Variants in STAU2 observed in about 807,000 individuals in gnomAD.
STAU2 encodes double-stranded RNA-binding protein Staufen homolog 2.
STAU2 carries 20 observed loss-of-function variants against 65.9 expected under a neutral mutation model. The observed-to-expected ratio is 0.30, with a 90% CI of 0.21 to 0.44. STAU2 has a LOEUF of 0.44. STAU2 is among the 20% of genes least tolerant of loss of function. STAU2 has a pLI of 1.00. For missense variants in STAU2, 558 were observed against 683.9 expected, an observed-to-expected ratio of 0.82 and a Z score of 2.05; for synonymous variants, 232 against 233.9, an observed-to-expected ratio of 0.99 and a Z score of 0.07.
intron 12 of STAU2, among the ~76,000 whole-genome samples, chr8:73,567,552 CTCTT>C (rs1338052010): frequency 8.6e-5 from 13 of 151,012 alleles, no homozygotes; most frequent in African/African-American, 2.7e-4. Flanking sequence ...TTGTCTCTCT[CTCTT>C]TTTTTTTTTT....
chr8:73,443,853 A>G (rs931446507), intron 13 of STAU2, among the ~76,000 whole-genome samples: 3 of 149,578 alleles, frequency 2.0e-5, no homozygotes, highest in African/African-American at 7.6e-5. Context: ...GTCTCTTAAA[A>G]AAAAAAAAAA....
intron 5 of STAU2, among the ~76,000 whole-genome samples, chr8:73,680,508 A>G (rs1440111205): frequency 2.6e-5 from 4 of 152,136 alleles, no homozygotes. Context: ...GTATATCCAA[A>G]TGAGAAGAAA....
At chr8:73,730,338 A>ATCTTT (rs1805956051) in intron 3 of STAU2, among the ~76,000 whole-genome samples, 1 of 152,174 alleles carries the variant, frequency 6.6e-6, no homozygotes, top group Non-Finnish European at 1.5e-5. Context: ...GTGACTGGAG[A>ATCTTT]AGATACATAG....
chr8:73,651,533 G>A, intron 6 of STAU2: 2 of 838,744 alleles, frequency 2.4e-6, no homozygotes, highest in East Asian at 2.8e-5. Context: ...ACCGTCTTCT[G>A]GCCTTGCCAA....
At chr8:73,448,966 G>T (rs1290248600) in intron 13 of STAU2, among the ~76,000 whole-genome samples, 2 of 152,262 alleles carry the variant, frequency 1.3e-5, no homozygotes, top group Non-Finnish European at 2.9e-5. Flanking sequence ...GCCCGGCTGG[G>T]GCTGGGAAGA....
In STAU2 at chr8:73,584,483, T is replaced by C. The variant is rs114115511; in HGVS notation, c.1162-1653A>G. Among the ~76,000 whole-genome samples the C allele has an allele frequency of 5.7e-3, 873 of 152,338 alleles. 5 individuals are homozygous for C. Among genetic ancestry groups the C allele is most frequent in the African/African-American group, 0.02 (833 of 41,568 alleles). On this transcript the variant is annotated intron_variant, in intron 11 of 14. Transcript: ENST00000524300. Reference sequence around the variant, plus strand: ...CACAAAAATTTGGTAAGATAAGTGATATTAACATTCAATTTTACAGACAAG... The same window carrying C: ...CACAAAAATTTGGTAAGATAAGTGACATTAACATTCAATTTTACAGACAAG...
intron 4 of STAU2, among the ~76,000 whole-genome samples, chr8:73,694,044 A>G (rs1009028164): frequency 1.5e-4 from 23 of 152,252 alleles, no homozygotes; most frequent in African/African-American, 4.6e-4. Flanking sequence ...GAGAAATTAG[A>G]ATGGCTATAT....
chr8:73,691,445 T>C (rs190694852), intron 4 of STAU2, among the ~76,000 whole-genome samples: 1 of 152,272 alleles, frequency 6.6e-6, no homozygotes, highest in East Asian at 1.9e-4. Flanking sequence ...TAATCTTTCC[T>C]GCCTCCTAAT....
At chr8:73,641,369 G>T (rs1470142669) in intron 6 of STAU2, among the ~76,000 whole-genome samples, 2 of 148,972 alleles carry the variant, frequency 1.3e-5, no homozygotes, top group African/African-American at 4.9e-5. Context: ...TCCTACCCTT[G>T]CAAAAAAAAA....
chr8:73,447,489 C>G (rs934486728), intron 13 of STAU2, among the ~76,000 whole-genome samples: 57 of 152,304 alleles, frequency 3.7e-4, no homozygotes, highest in African/African-American at 1.4e-3. Context: ...GTGTCCAGTT[C>G]TTACCAAAAA....
At chr8:73,541,766 G>T (rs948998034) in intron 13 of STAU2, among the ~76,000 whole-genome samples, 10 of 152,078 alleles carry the variant, frequency 6.6e-5, no homozygotes, top group African/African-American at 2.2e-4. Context: ...CAACCAAATG[G>T]AAATGTCAGA....
At chr8:73,439,885 G>T (rs558321095) in intron 13 of STAU2, 10 of 152,374 alleles carry the variant, frequency 6.6e-5, no homozygotes, top group African/African-American at 2.4e-4. Flanking sequence ...AGGCAGCCTG[G>T]TTCTGGAGCT....
At chr8:73,652,846 A>T (rs1443264613) in intron 6 of STAU2, 1 of 152,094 alleles carries the variant, frequency 6.6e-6, no homozygotes, top group Non-Finnish European at 1.5e-5. Context: ...TCACCAAACC[A>T]TTATTCAACT....
intron 13 of STAU2, among the ~76,000 whole-genome samples, chr8:73,443,536 T>A (rs1045569487): frequency 6.6e-6 from 1 of 152,218 alleles, no homozygotes; most frequent in African/African-American, 2.4e-5. Context: ...AGGCACCTTC[T>A]CAATGAAGCC....
rs142219165 is a variant in STAU2 at position 73,431,156 on chromosome 8, A to G, written c.1531-8454T>C. On this transcript the variant is annotated intron_variant, in intron 13 of 14. Coordinates refer to ENST00000524300, the MANE Select transcript of STAU2 (RefSeq NM_001164380.2). The stretch of plus-strand genomic sequence containing the variant: ...CACGCCGCAGATTAGAGAATTTCAA[A>G]GATACACTAACATAAGCATCCAGAA... 2.6e-4 allele frequency among the ~76,000 whole-genome samples: 40 copies of G among 152,372 alleles called. 1 individual carries two copies. Among genetic ancestry groups the G allele is most frequent in the Non-Finnish European group, 4.4e-4 (30 of 68,040 alleles).
intron 9 of STAU2, among the ~76,000 whole-genome samples, chr8:73,611,702 G>T (rs1187991637): frequency 6.6e-6 from 1 of 150,594 alleles, no homozygotes; most frequent in Admixed American, 6.6e-5. Context: ...TTTTGAGATG[G>T]AATCTCATTC....
At chr8:73,717,779 C>T (rs747010631) in intron 3 of STAU2, among the ~76,000 whole-genome samples, 4 of 147,018 alleles carry the variant, frequency 2.7e-5, no homozygotes, top group Non-Finnish European at 6.0e-5. Context: ...CCTATTTTTA[C>T]GCCAAACTAT....
At chr8:73,651,267 A>G (rs1469893368) in intron 6 of STAU2, 2 of 673,298 alleles carry the variant, frequency 3.0e-6, no homozygotes, top group Non-Finnish European at 5.3e-6. Flanking sequence ...GGAAAGGGCC[A>G]AACGCCTGGC....
intron 6 of STAU2, among the ~76,000 whole-genome samples, chr8:73,657,048 C>A (rs1157868172): frequency 1.3e-5 from 2 of 152,150 alleles, no homozygotes; most frequent in Non-Finnish European, 2.9e-5. Flanking sequence ...TACCTATGCA[C>A]CAAATAATGC....
Sources: gnomAD v4.1 joint callset for allele counts (sites outside exome capture counted in the v4.1 genomes callset) on GRCh38, gnomAD v4.1.1 for gene constraint, MANE v1.5 for transcripts, NCBI Gene and HGNC (gene_info 2026-07-23, HGNC 2026-07-21) for gene names.